The following RIMS1 variants were observed in gnomAD, a reference collection of about 807,000 sequenced individuals.
RIMS1 encodes regulating synaptic membrane exocytosis 1.
RIMS1 carries 83 observed loss-of-function variants against 214.1 expected under a neutral mutation model. That is an observed-to-expected ratio of 0.39 (90% CI 0.32 to 0.47). The LOEUF is 0.47. Ranked by LOEUF, RIMS1 falls within the 20% of genes least tolerant of loss-of-function variation. The pLI is 0.99. For synonymous variants in RIMS1, 793 were observed against 786.8 expected, an observed-to-expected ratio of 1.01 and a Z score of -0.13; for missense variants, 2,050 against 2,161.8, an observed-to-expected ratio of 0.95 and a Z score of 1.03.
rs568895152 is a variant in RIMS1, at chr6:72,194,124, C to T, written c.1678+10975C>T. On this transcript the variant is annotated intron_variant, in intron 6 of 33. Coordinates refer to ENST00000521978, the MANE Select transcript of RIMS1 (RefSeq NM_014989.7). ...AACAAATGGAGAAACATTTCATGCTCGTGTAGCAGAAGAATCAATATGGTT... is the reference window on the plus strand; with the variant it reads ...AACAAATGGAGAAACATTTCATGCTTGTGTAGCAGAAGAATCAATATGGTT... 2.6e-5 allele frequency among the ~76,000 whole-genome samples: 4 copies of T among 152,206 alleles called. No homozygotes were observed. The East Asian group carries it at 5.8e-4, about 22-fold the overall frequency.
At chr6:72,005,781 T>G (rs1370805213) in intron 2 of RIMS1, among the ~76,000 whole-genome samples, 1 of 152,246 alleles carries the variant, frequency 6.6e-6, no homozygotes, top group Non-Finnish European at 1.5e-5. Flanking sequence ...TTCGATAGTT[T>G]GATCTCTCCT....
chr6:71,986,911 G>T lies in RIMS1; in HGVS notation c.245+17848G>T, dbSNP rs914093141. ...GGGTCTGAAACTCTGGGCAGAATTT[G>T]TGTCTAAAAATTTTGGGGCTCCTGA... is the stretch of plus-strand genomic sequence containing the variant. On this transcript the variant is annotated intron_variant, in intron 2 of 33. Transcript: ENST00000521978. Among the ~76,000 whole-genome samples the T allele has an allele frequency of 8.5e-5, 13 of 152,348 alleles. No homozygotes were observed. The East Asian group carries it at 1.9e-3, about 23-fold the overall frequency.
At chr6:72,250,293 G>A (rs1347201816) in intron 12 of RIMS1, 37 bp from the exon 13 acceptor site, 1 of 1,575,918 alleles carries the variant, frequency 6.3e-7, no homozygotes. Flanking sequence ...AATGCCTCAT[G>A]ATTTTTACAA....
At chr6:72,068,800 A>G (rs961698387) in intron 2 of RIMS1, among the ~76,000 whole-genome samples, 2 of 151,822 alleles carry the variant, frequency 1.3e-5, no homozygotes, top group African/African-American at 4.8e-5. Context: ...AGTCCCAGCT[A>G]CTCGGGAGGC....
At chr6:71,998,286 G>A (rs1388348219) in intron 2 of RIMS1, among the ~76,000 whole-genome samples, 2 of 152,116 alleles carry the variant, frequency 1.3e-5, no homozygotes, top group Non-Finnish European at 2.9e-5. Context: ...ACATGTGCAT[G>A]GGTGGCTGTC....
chr6:72,128,463 C>T (rs1307352250), intron 4 of RIMS1, among the ~76,000 whole-genome samples: 2 of 151,720 alleles, frequency 1.3e-5, no homozygotes, highest in Admixed American at 1.3e-4. Flanking sequence ...TACAGAGCTT[C>T]CCTATACCCA....
At chr6:72,321,056 T>C (rs2096129693) in intron 28 of RIMS1, among the ~76,000 whole-genome samples, 1 of 152,072 alleles carries the variant, frequency 6.6e-6, no homozygotes. Flanking sequence ...ATTTGCTAAC[T>C]GTATACGTAC....
chr6:72,334,231 T>A (rs926963813), intron 29 of RIMS1, among the ~76,000 whole-genome samples: 3 of 151,854 alleles, frequency 2.0e-5, no homozygotes, highest in Non-Finnish European at 4.4e-5. Flanking sequence ...GAAAAGAAGG[T>A]CAGTTGTGCA....
At chr6:72,017,129 T>C (rs369211288) in intron 2 of RIMS1, among the ~76,000 whole-genome samples, 14 of 152,318 alleles carry the variant, frequency 9.2e-5, no homozygotes, top group East Asian at 3.9e-4. Flanking sequence ...AGACAACATG[T>C]GTTCACTACA....
chr6:72,012,247 GCATGTTGTCACT>G (rs891182557), intron 2 of RIMS1, among the ~76,000 whole-genome samples: 3 of 151,946 alleles, frequency 2.0e-5, no homozygotes, highest in Admixed American at 2.0e-4. Context: ...ACCAAACACC[GCATGTTGTCACT>G]CATAGGTGGG....
chr6:72,048,629 G>A (rs1249464577), intron 2 of RIMS1, among the ~76,000 whole-genome samples: 1 of 152,214 alleles, frequency 6.6e-6, no homozygotes, highest in Non-Finnish European at 1.5e-5. Context: ...CCTGGTGGAT[G>A]AGGTGTTCCA....
rs775993541 is a variant in RIMS1, at chr6:72,182,810, C to T, written c.1339C>T (p.His447Tyr). The change falls in exon 6 of 34, where the codon CAC (histidine) becomes TAC (tyrosine). Residue 447 changes from histidine (H) to tyrosine (Y), a missense_variant. Physicochemically the swap from His to Tyr is moderately conservative, Grantham distance 83. Transcript: ENST00000521978. ...GCCGGGCGCCAAGCAGCTAACGAACCACAGCCCGCCGGCGCCCAGACATGG... is the reference window on the plus strand; with the variant it reads ...GCCGGGCGCCAAGCAGCTAACGAACTACAGCCCGCCGGCGCCCAGACATGG... Reference protein sequence around the residue: ...RAPGAKQLTNHSPPAPRHGPV... With the variant: ...RAPGAKQLTNYSPPAPRHGPV... 3.9e-6 allele frequency: 6 copies of T among 1,548,822 alleles called. No homozygotes were observed. Among genetic ancestry groups the T allele is most frequent in the Middle Eastern group, 1.7e-4 (1 of 5,968 alleles).
chr6:72,310,748 T>G (rs2095470810), intron 27 of RIMS1, among the ~76,000 whole-genome samples: 1 of 152,128 alleles, frequency 6.6e-6, no homozygotes, highest in South Asian at 2.1e-4. Context: ...ATTCAAAATT[T>G]AACAGATCAT....
intron 2 of RIMS1, among the ~76,000 whole-genome samples, chr6:72,057,655 C>T (rs1238828976): frequency 6.6e-6 from 1 of 151,946 alleles, no homozygotes; most frequent in Non-Finnish European, 1.5e-5. Flanking sequence ...CTACAGGCGC[C>T]CGCCACCACT....
chr6:72,318,069 T>C (rs990652397), intron 28 of RIMS1, among the ~76,000 whole-genome samples: 10 of 152,198 alleles, frequency 6.6e-5, no homozygotes, highest in African/African-American at 2.4e-4. Context: ...AATCTAACTA[T>C]TCACTGTTCA....
At chr6:72,209,012 C>G (rs369887749) in intron 6 of RIMS1, among the ~76,000 whole-genome samples, 107 of 152,174 alleles carry the variant, frequency 7.0e-4, no homozygotes, top group South Asian at 4.8e-3. Flanking sequence ...ATGATACAGA[C>G]CAGTTCTCAT....
chr6:72,200,411 A>G (rs2051733118), intron 6 of RIMS1, among the ~76,000 whole-genome samples: 1 of 152,080 alleles, frequency 6.6e-6, no homozygotes, highest in Non-Finnish European at 1.5e-5. Flanking sequence ...TTTCCCACAC[A>G]AGGTGAGGAA....
intron 29 of RIMS1, among the ~76,000 whole-genome samples, chr6:72,350,569 A>G (rs928437516): frequency 1.3e-5 from 2 of 148,482 alleles, no homozygotes; most frequent in Non-Finnish European, 3.0e-5. Flanking sequence ...TATTTAAAGT[A>G]ATGCCAGTTG....
chr6:72,069,006 A>G (rs770025298), intron 2 of RIMS1, among the ~76,000 whole-genome samples: 5 of 95,522 alleles, frequency 5.2e-5, no homozygotes, highest in Non-Finnish European at 8.0e-5. Context: ...CTCCAGAAAT[A>G]ACAAACTGAG....
Sources: gnomAD v4.1 joint callset for allele counts (sites outside exome capture counted in the v4.1 genomes callset) on GRCh38, gnomAD v4.1.1 for gene constraint, MANE v1.5 for transcripts, NCBI Gene and HGNC (gene_info 2026-07-23, HGNC 2026-07-21) for gene names.